ADAM19: variants seen among roughly 807,000 people sequenced by gnomAD.
ADAM19 encodes the protein ADAM metallopeptidase domain 19.
In ADAM19, 65 loss-of-function variants were observed where a neutral mutation model predicts 114.7. The ratio of observed to expected loss-of-function variants is 0.57; its 90% confidence interval spans 0.46 to 0.70. The LOEUF (loss-of-function observed/expected upper bound fraction) is 0.70. Ranked by LOEUF, ADAM19 falls within the 30% of genes least tolerant of loss-of-function variation. The pLI, the probability that ADAM19 is intolerant of heterozygous loss-of-function variation, is 0.00. For missense variants in ADAM19, 1,063 were observed against 1,204.7 expected (o/e 0.88, Z 1.74); for synonymous variants, 466 against 460.5 (o/e 1.01, Z -0.15).
intron 8 of ADAM19, among the ~76,000 whole-genome samples, chr5:157,512,968 T>G (rs901180162): frequency 4.6e-5 from 7 of 152,178 alleles, no homozygotes; most frequent in African/African-American, 1.4e-4. Context: ...CCTTAAAGGA[T>G]TCTTAAACTG....
intron 1 of ADAM19, among the ~76,000 whole-genome samples, chr5:157,574,710 TC>T (rs1311334125): frequency 6.6e-6 from 1 of 152,108 alleles, no homozygotes; most frequent in Non-Finnish European, 1.5e-5. Flanking sequence ...GACCAAGCCT[TC>T]CGCGAAATCT....
chr5:157,508,479 C>T (rs984864264), intron 9 of ADAM19, among the ~76,000 whole-genome samples: 1 of 151,924 alleles, frequency 6.6e-6, no homozygotes, highest in Non-Finnish European at 1.5e-5. Flanking sequence ...CATGGTGGTG[C>T]ATGCCTGCTA....
chr5:157,540,333 C>A (rs1442499991), intron 3 of ADAM19, among the ~76,000 whole-genome samples: 2 of 152,172 alleles, frequency 1.3e-5, no homozygotes, highest in Non-Finnish European at 2.9e-5. Context: ...ACAGACTGCG[C>A]CATGTACAGC....
intron 3 of ADAM19, among the ~76,000 whole-genome samples, chr5:157,540,279 C>A (rs917725061): frequency 2.0e-5 from 3 of 152,212 alleles, no homozygotes; most frequent in Admixed American, 6.5e-5. Context: ...GGTGGTAAAA[C>A]GCAATGTGCT....
chr5:157,505,960 G>T, intron 10 of ADAM19, 152 bp from the exon 11 acceptor site: 2 of 796,620 alleles, frequency 2.5e-6, no homozygotes, highest in Non-Finnish European at 3.8e-6. Flanking sequence ...CTGACAGCAA[G>T]GCTGAATCTG....
intron 11 of ADAM19, among the ~76,000 whole-genome samples, chr5:157,505,186 A>C (rs1755702723): frequency 6.6e-6 from 1 of 150,724 alleles, no homozygotes. Context: ...CCTGTTCCTC[A>C]TGGGTAATGT....
At chr5:157,558,614 T>C (rs1342512599) in intron 3 of ADAM19, among the ~76,000 whole-genome samples, 1 of 152,050 alleles carries the variant, frequency 6.6e-6, no homozygotes, top group East Asian at 1.9e-4. Context: ...CAAGAGAGGG[T>C]CAAAGAGAGC....
intron 7 of ADAM19, among the ~76,000 whole-genome samples, chr5:157,518,507 C>T (rs1027172809): frequency 5.9e-5 from 9 of 152,314 alleles, no homozygotes; most frequent in South Asian, 4.1e-4. Flanking sequence ...GCCACAGCCT[C>T]CCAAGTAGCT....
chr5:157,509,881 C>T (rs141022120), intron 8 of ADAM19, among the ~76,000 whole-genome samples: 69 of 152,296 alleles, frequency 4.5e-4, no homozygotes, highest in African/African-American at 1.5e-3. Flanking sequence ...ATAGGTAAAA[C>T]AGACAGGAAC....
intron 16 of ADAM19, among the ~76,000 whole-genome samples, chr5:157,492,760 C>T (rs1190480037): frequency 1.3e-5 from 2 of 152,148 alleles, no homozygotes; most frequent in Admixed American, 6.5e-5. Context: ...AGCTAGGCCA[C>T]CTAAGTGCTT....
At chr5:157,525,352 C>G (rs756768690) in intron 5 of ADAM19, among the ~76,000 whole-genome samples, 1 of 152,178 alleles carries the variant, frequency 6.6e-6, no homozygotes, top group Non-Finnish European at 1.5e-5. Flanking sequence ...CAGGCTCCCA[C>G]CTCCCTGAGA....
intron 3 of ADAM19, among the ~76,000 whole-genome samples, chr5:157,557,947 G>C (rs907865051): frequency 1.3e-5 from 2 of 152,192 alleles, no homozygotes; most frequent in African/African-American, 4.8e-5. Context: ...TGCTGGGGTG[G>C]GGTTGAGAGT....
In ADAM19 at chr5:157,477,677, C is replaced by T. The variant is rs1424491783; in HGVS notation, c.*3272G>A. 1.6e-6 allele frequency: 2 copies of T among 1,289,584 alleles called. No homozygotes were observed. Among genetic ancestry groups the T allele is most frequent in the Non-Finnish European group, 2.0e-6 (2 of 988,834 alleles). 79.9% of individuals were successfully genotyped at this position (1,289,584 alleles called of 1,614,324 possible). A position where few individuals can be genotyped will look rare whatever the true frequency, so the allele number is the denominator to read the frequency against. On this transcript the variant is annotated 3_prime_UTR_variant, in exon 23 of 23. Transcript: ENST00000257527. ...GCAGAGCTGTTATACACGTGGTTAA[C>T]ACAATTACTGACTTTGGAACTGGTC...
intron 21 of ADAM19, among the ~76,000 whole-genome samples, chr5:157,482,812 C>T (rs1367550784): frequency 1.3e-5 from 2 of 152,120 alleles, no homozygotes; most frequent in Admixed American, 6.5e-5. Flanking sequence ...AACCCAAATG[C>T]CCATCAATGA....
chr5:157,493,462 C>A (rs1230593379), intron 15 of ADAM19, among the ~76,000 whole-genome samples: 1 of 152,154 alleles, frequency 6.6e-6, no homozygotes, highest in Non-Finnish European at 1.5e-5. Context: ...CAATCTTTCC[C>A]TTTTTGCCCC....
At chr5:157,523,201 C>G (rs1756353706) in intron 5 of ADAM19, among the ~76,000 whole-genome samples, 1 of 152,178 alleles carries the variant, frequency 6.6e-6, no homozygotes, top group Non-Finnish European at 1.5e-5. Flanking sequence ...CCCTTAGCCT[C>G]TGTGCTTTCT....
At chr5:157,515,163 T>C (rs1156519606) in intron 7 of ADAM19, among the ~76,000 whole-genome samples, 1 of 152,230 alleles carries the variant, frequency 6.6e-6, no homozygotes, top group Non-Finnish European at 1.5e-5. Context: ...TTTCTAGAGT[T>C]AGATTCAGTG....
chr5:157,526,103 A>AATAC (rs1452090020), intron 5 of ADAM19, among the ~76,000 whole-genome samples: 1 of 152,128 alleles, frequency 6.6e-6, no homozygotes, highest in Non-Finnish European at 1.5e-5. Context: ...TTGGAAAAAA[A>AATAC]ATACAAAACT....
Position 157,480,406 on chromosome 5 carries a change from C to T in ADAM19, c.*543G>A, listed in dbSNP as rs1012323237. 7.1e-6 allele frequency: 7 copies of T among 988,852 alleles called. No individual in the cohort carries two copies. The East Asian group carries it at 3.4e-4, about 48-fold the overall frequency. 61.3% of individuals were successfully genotyped at this position (988,852 alleles called of 1,614,324 possible). A position where few individuals can be genotyped will look rare whatever the true frequency, so the allele number is the denominator to read the frequency against. On this transcript the variant is annotated 3_prime_UTR_variant, in exon 23 of 23. Transcript: ENST00000257527. ...CACATGCAGCCATACAGCCAGAAGC[C>T]GTTCCCTCAACCAAGCCCTGGGCAG...
Sources: allele counts gnomAD v4.1 joint callset (sites outside exome capture counted in the v4.1 genomes callset), GRCh38; gene constraint gnomAD v4.1.1; transcripts MANE v1.5; gene names NCBI Gene and HGNC (gene_info 2026-07-23, HGNC 2026-07-21).